The following ZNF507 variants were observed in gnomAD, a reference collection of about 807,000 sequenced individuals.
The protein encoded by ZNF507 is zinc finger protein 507.
In ZNF507, 29 loss-of-function variants were observed where a neutral mutation model predicts 80.0. The observed-to-expected ratio is 0.36, with a 90% confidence interval of 0.27 to 0.49. ZNF507 has a LOEUF of 0.49. Ranked by LOEUF, ZNF507 falls within the 20% of genes least tolerant of loss-of-function variation. ZNF507 has a pLI of 0.98. For synonymous variants in ZNF507, 462 were observed against 422.5 expected, an observed-to-expected ratio of 1.09 and a Z score of -1.15; for missense variants, 1,081 against 1,152.2, an observed-to-expected ratio of 0.94 and a Z score of 0.90.
Position 32,354,911 on chromosome 19 carries a change from C to T in ZNF507, c.2081C>T (p.Thr694Ile), listed in dbSNP as rs1359724299. The change falls in exon 3 of 7, where the codon ACA becomes ATA. Residue 694 changes from threonine (T) to isoleucine (I), a missense_variant. Around this residue, in one of 6 missense-constraint regions of ZNF507, gnomAD observed 614 missense variants for 583.9 expected, o/e 1.05. Transcript: ENST00000355898. ...LESHMIHHCK[T>I]RIYQCKQCEE... ...AGTCACATGATCCACCACTGTAAGA[C>T]AAGAATATACCAGTGCAAGCAGTGT... The T allele has an allele frequency of 1.2e-6, 2 of 1,613,784 alleles. No homozygotes were observed. The highest frequency in any genetic ancestry group is 3.3e-5 in the Admixed American group (2 of 59,980).
intron 5 of ZNF507, among the ~76,000 whole-genome samples, chr19:32,361,379 G>A (rs1347826198): frequency 2.0e-5 from 3 of 152,164 alleles, no homozygotes; most frequent in African/African-American, 7.2e-5. Flanking sequence ...CCCAGATTCT[G>A]TAGATATGAT....
chr19:32,371,541 A>G (rs1481070102), intron 5 of ZNF507, among the ~76,000 whole-genome samples: 1 of 151,782 alleles, frequency 6.6e-6, no homozygotes, highest in Non-Finnish European at 1.5e-5. Context: ...CTGGAAAGGA[A>G]GGGGAGGCAA....
At chr19:32,366,053 A>G (rs1184959166) in intron 5 of ZNF507, among the ~76,000 whole-genome samples, 3 of 152,032 alleles carry the variant, frequency 2.0e-5, no homozygotes, top group African/African-American at 7.2e-5. Flanking sequence ...TATAAGATGA[A>G]TTTTTTTTAA....
At chr19:32,377,373 T>C (rs931976990) in intron 5 of ZNF507, among the ~76,000 whole-genome samples, 35 of 152,190 alleles carry the variant, frequency 2.3e-4, no homozygotes, top group African/African-American at 8.0e-4. Context: ...CTTCTCACTG[T>C]GTCCCTTCCG....
Position 32,353,949 on chromosome 19 carries a change from T to C in ZNF507, c.1119T>C (p.Ile373=). Residue 373 remains isoleucine, a synonymous_variant, in exon 3 of 7, where the codon ATT becomes ATC. Coordinates refer to ENST00000355898, the MANE Select transcript of ZNF507 (RefSeq NM_001136156.2). ...EVISDAEENL[I]PDSLLTSAQK... is the part of the protein sequence containing the mutation. ...TTTCTGATGCAGAGGAGAATCTGAT[T>C]CCTGATAGCCTGCTTACATCAGCAC... 6.2e-7 allele frequency: 1 copy of C among 1,614,126 alleles called. No individual in the cohort carries two copies. The highest frequency in any genetic ancestry group is 8.5e-7 in the Non-Finnish European group (1 of 1,180,030).
rs1265389105 is a variant in ZNF507 at position 32,365,354 on chromosome 19, TTATC to T, written c.2360+4738_2360+4741del. 2.6e-5 allele frequency among the ~76,000 whole-genome samples: 4 copies of T among 152,220 alleles called. No individual in the cohort carries two copies. In the East Asian group the frequency reaches 7.7e-4, roughly 29 times the overall value. Reference sequence around the variant, plus strand: ...AAGCTCTTTAATTAGATACAGCTATTTATCTTTGTTTTTATTGCAATTGCTTTTG... The same window carrying T: ...AAGCTCTTTAATTAGATACAGCTATTTTTGTTTTTATTGCAATTGCTTTTG... On this transcript the variant is annotated intron_variant, in intron 5 of 6. Transcript: ENST00000355898.
chr19:32,383,374 TAA>T lies in ZNF507; in HGVS notation c.*294_*295del, dbSNP rs1967649410. 1 of 319,206 alleles carries T rather than the reference TAA, an allele frequency of 3.1e-6. No individual in the cohort carries two copies. The highest frequency in any genetic ancestry group is 2.1e-5 in the African/African-American group (1 of 46,698). The allele number at this position is 319,206 out of a possible 1,614,324, so 19.8% of individuals were successfully genotyped here. ...TCTTAGTGTCGAGTGTATTTATTAA[TAA>T]AAGCTTATTAGAGTGTAGAAATGCC... On this transcript the variant is annotated 3_prime_UTR_variant, in exon 7 of 7. Coordinates refer to ENST00000355898, the MANE Select transcript of ZNF507 (RefSeq NM_001136156.2).
In ZNF507 at chr19:32,354,126, G is replaced by A. The variant is rs12327571; in HGVS notation, c.1296G>A (p.Gln432=). 11,044 of 1,613,456 alleles carry A rather than the reference G, an allele frequency of 6.8e-3. 64 individuals are homozygous for A. The highest frequency in any genetic ancestry group is 0.023 in the African/African-American group (1,715 of 75,030). Residue 432 remains glutamine, a synonymous_variant, in exon 3 of 7, where the codon CAG becomes CAA. Transcript: ENST00000355898. ...EGKDLSLTEA[Q]IGREGMDDVY... Reference sequence around the variant, plus strand: ...AGGACCTGAGCCTGACAGAAGCTCAGATTGGGCGCGAAGGAATGGATGATG... The same window carrying A: ...AGGACCTGAGCCTGACAGAAGCTCAAATTGGGCGCGAAGGAATGGATGATG...
At chr19:32,368,849 AT>A (rs1309188321) in intron 5 of ZNF507, among the ~76,000 whole-genome samples, 1 of 152,214 alleles carries the variant, frequency 6.6e-6, no homozygotes, top group African/African-American at 2.4e-5. Context: ...CAAAATTTCT[AT>A]TGAAATCGTT....
rs771411072 is a variant in ZNF507 at position 32,354,713 on chromosome 19, A to G, written c.1883A>G (p.Asn628Ser). 2 of 1,614,224 alleles carry G rather than the reference A, an allele frequency of 1.2e-6. No homozygotes were observed. The highest frequency in any genetic ancestry group is 1.3e-5 in the African/African-American group (1 of 75,060). ...QPNSDTSLSG[N>S]NVVEYIPNAE... is the part of the protein sequence containing the mutation. ...AACAGCGATACAAGTTTGTCCGGAAACAATGTGGTGGAATACATCCCGAAT... is the reference window on the plus strand; with the variant it reads ...AACAGCGATACAAGTTTGTCCGGAAGCAATGTGGTGGAATACATCCCGAAT... The change falls in exon 3 of 7, where the codon AAC becomes AGC. Residue 628 changes from asparagine (N) to serine (S), a missense_variant. Asn to Ser is a conservative substitution (Grantham distance 46). This residue lies in a region of ZNF507 where 614 missense variants were observed against 583.9 expected (regional missense o/e 1.05). Coordinates refer to ENST00000355898, the MANE Select transcript of ZNF507 (RefSeq NM_001136156.2).
Position 32,384,261 on chromosome 19 carries a change from G to A in ZNF507, c.*1178G>A, listed in dbSNP as rs912081187. On this transcript the variant is annotated 3_prime_UTR_variant, in exon 7 of 7. Transcript: ENST00000355898. Reference sequence around the variant, plus strand: ...TGGAAATTCTATTTTGTTAGAGTGCGATAGGACATATGGAAAACCAACACA... The same window carrying A: ...TGGAAATTCTATTTTGTTAGAGTGCAATAGGACATATGGAAAACCAACACA... 2.6e-5 allele frequency: 4 copies of A among 152,136 alleles called. No homozygotes were observed. Among genetic ancestry groups the A allele is most frequent in the African/African-American group, 7.2e-5 (3 of 41,422 alleles). The allele number at this position is 152,136 out of a possible 1,614,324, so 9.4% of individuals were successfully genotyped here.
chr19:32,355,066 T>A, intron 3 of ZNF507, 109 bp downstream of exon 3: 1 of 1,182,564 alleles, frequency 8.5e-7, no homozygotes, highest in Non-Finnish European at 1.1e-6. Flanking sequence ...GGAAACTGGG[T>A]CCCAGAAAAG....
chr19:32,364,313 G>A (rs989589241), intron 5 of ZNF507, among the ~76,000 whole-genome samples: 6 of 152,100 alleles, frequency 3.9e-5, no homozygotes, highest in African/African-American at 1.4e-4. Flanking sequence ...AGTTATACCT[G>A]ACATTTCTTT....
Position 32,384,358 on chromosome 19 carries a change from A to G in ZNF507, c.*1275A>G, listed in dbSNP as rs1245725294. On this transcript the variant is annotated 3_prime_UTR_variant, in exon 7 of 7. Transcript: ENST00000355898. ...TAATTACACATTTTGTATTTTAATT[A>G]TTTCAAGGAGTGAAGAAAACAGGGT... 1 of 152,220 alleles carries G rather than the reference A, an allele frequency of 6.6e-6. No individual in the cohort carries two copies. Among genetic ancestry groups the G allele is most frequent in the African/African-American group, 2.4e-5 (1 of 41,458 alleles). 9.4% of individuals were successfully genotyped at this position (152,220 alleles called of 1,614,324 possible).
chr19:32,364,315 C>G (rs1451943547), intron 5 of ZNF507, among the ~76,000 whole-genome samples: 1 of 152,154 alleles, frequency 6.6e-6, no homozygotes, highest in Non-Finnish European at 1.5e-5. Flanking sequence ...TTATACCTGA[C>G]ATTTCTTTTT....
intron 4 of ZNF507, chr19:32,357,523 A>G (rs1047788168): frequency 6.6e-6 from 1 of 152,200 alleles, no homozygotes; most frequent in African/African-American, 2.4e-5. Flanking sequence ...TTTTACCATA[A>G]TGTTTCATTA....
intron 5 of ZNF507, among the ~76,000 whole-genome samples, chr19:32,375,324 C>T (rs1967532034): frequency 6.6e-6 from 1 of 152,326 alleles, no homozygotes; most frequent in South Asian, 2.1e-4. Context: ...GAAGAATTAT[C>T]TAGCCCCAAA....
chr19:32,367,709 C>T (rs372700570), intron 5 of ZNF507, among the ~76,000 whole-genome samples: 6 of 152,186 alleles, frequency 3.9e-5, no homozygotes, highest in Admixed American at 6.5e-5. Flanking sequence ...TACTGAGCCT[C>T]ATTTACTAAT....
chr19:32,382,926 C>G lies in ZNF507; in HGVS notation c.2705C>G (p.Pro902Arg). 1 of 1,614,120 alleles carries G rather than the reference C, an allele frequency of 6.2e-7. No individual in the cohort carries two copies. Among genetic ancestry groups the G allele is most frequent in the Non-Finnish European group, 8.5e-7 (1 of 1,180,008 alleles). ...SLEKISSLAP[P>R]SMEYCVLLFC... ...GAAAAAATCTCCAGTCTGGCCCCTC[C>G]TAGCATGGAGTACTGCGTTTTACTC... The change falls in exon 7 of 7, where the codon CCT becomes CGT. Residue 902 changes from proline (P) to arginine (R), a missense_variant. Around this residue, in one of 6 missense-constraint regions of ZNF507, gnomAD observed 138 missense variants for 158.4 expected, o/e 0.87. Transcript: ENST00000355898.
Sources: allele counts gnomAD v4.1 joint callset (sites outside exome capture counted in the v4.1 genomes callset), GRCh38; gene constraint gnomAD v4.1.1; regional missense constraint gnomAD v4.1.1; transcripts MANE v1.5; gene names NCBI Gene and HGNC (gene_info 2026-07-23, HGNC 2026-07-21).